Variants in CMSS1 observed in about 807,000 individuals in gnomAD.
The protein encoded by CMSS1 is cms1 ribosomal small subunit homolog.
A neutral mutation model predicts 43.5 loss-of-function variants in CMSS1; 33 were observed. That is an observed-to-expected ratio of 0.76 (90% CI 0.57 to 1.01). The LOEUF (loss-of-function observed/expected upper bound fraction) is 1.01. CMSS1 is among the 50% of genes least tolerant of loss of function. The pLI is 0.00. For missense variants in CMSS1, 313 were observed against 326.4 expected (o/e 0.96, Z 0.32); for synonymous variants, 115 against 117.2 (o/e 0.98, Z 0.12).
intron 1 of CMSS1, among the ~76,000 whole-genome samples, chr3:100,142,559 G>A (rs946827168): frequency 3.3e-5 from 5 of 152,140 alleles, no homozygotes; most frequent in Non-Finnish European, 2.9e-5. Context: ...CAGATACCAA[G>A]GGACTACTGT....
At chr3:100,022,805 A>C (rs1168459355) in intron 1 of CMSS1, among the ~76,000 whole-genome samples, 5 of 152,202 alleles carry the variant, frequency 3.3e-5, no homozygotes, top group Non-Finnish European at 7.3e-5. Flanking sequence ...ACATCAGTGC[A>C]TGGGCCTCAA....
intron 2 of CMSS1, among the ~76,000 whole-genome samples, chr3:100,150,295 T>G (rs1033783708): frequency 2.0e-5 from 3 of 152,230 alleles, no homozygotes; most frequent in Admixed American, 6.5e-5. Flanking sequence ...TTGGCAGATA[T>G]GACCAGATGT....
At chr3:100,103,055 A>G (rs1053053001) in intron 1 of CMSS1, among the ~76,000 whole-genome samples, 1 of 152,244 alleles carries the variant, frequency 6.6e-6, no homozygotes, top group Non-Finnish European at 1.5e-5. Flanking sequence ...TGCTGTAAAA[A>G]TGAAGCAGAC....
chr3:100,156,612 G>A (rs970746886), intron 2 of CMSS1, among the ~76,000 whole-genome samples: 2 of 147,430 alleles, frequency 1.4e-5, no homozygotes, highest in Non-Finnish European at 3.0e-5. Context: ...CAGCCTTTTT[G>A]TTTGTTTTTG....
chr3:99,894,121 G>C (rs1477333356), intron 1 of CMSS1, among the ~76,000 whole-genome samples: 2 of 152,228 alleles, frequency 1.3e-5, no homozygotes, highest in African/African-American at 4.8e-5. Context: ...CAGAAAGTAA[G>C]ACAAATCTCC....
intron 1 of CMSS1, among the ~76,000 whole-genome samples, chr3:99,937,569 A>C (rs1056433415): frequency 1.3e-5 from 2 of 152,214 alleles, no homozygotes; most frequent in Non-Finnish European, 2.9e-5. Context: ...CTTTAAATGT[A>C]AAATGGAGAT....
At chr3:99,941,102 C>A (rs1707837074) in intron 1 of CMSS1, among the ~76,000 whole-genome samples, 1 of 152,214 alleles carries the variant, frequency 6.6e-6, no homozygotes, top group Admixed American at 6.5e-5. Context: ...TTTGCACTTT[C>A]TCTTTTTAGG....
chr3:100,030,775 G>A (rs780377528), intron 1 of CMSS1, among the ~76,000 whole-genome samples: 9 of 152,086 alleles, frequency 5.9e-5, no homozygotes, highest in Non-Finnish European at 1.2e-4. Flanking sequence ...AAATCAATCC[G>A]TTTTCCCTCC....
At chr3:99,819,901 C>T (rs1213065311) in intron 1 of CMSS1, among the ~76,000 whole-genome samples, 3 of 151,712 alleles carry the variant, frequency 2.0e-5, no homozygotes, top group African/African-American at 7.3e-5. Context: ...ATTACAGGTG[C>T]CCGCCACCAC....
chr3:100,130,066 T>C (rs1350939872), intron 1 of CMSS1, among the ~76,000 whole-genome samples: 1 of 152,210 alleles, frequency 6.6e-6, no homozygotes, highest in African/African-American at 2.4e-5. Context: ...ATGTCACATT[T>C]TCTTTAAGCA....
Position 99,823,893 on chromosome 3 carries a change from C to G in CMSS1, c.64+5850C>G, listed in dbSNP as rs145525136. ...GTTAGCTGTTCTTTTCCTTTCTGTC[C>G]TGTCCTTCTGATTGGCTGGCTTTCT... On this transcript the variant is annotated intron_variant, in intron 1 of 9. Transcript: ENST00000421999. Among the ~76,000 whole-genome samples, 162 of 151,674 alleles carry G rather than the reference C, an allele frequency of 1.1e-3. 2 individuals carry two copies. The East Asian group carries it at 0.029, about 27-fold the overall frequency.
At chr3:99,977,533 T>A (rs560755925) in intron 1 of CMSS1, among the ~76,000 whole-genome samples, 66 of 152,226 alleles carry the variant, frequency 4.3e-4, no homozygotes, top group African/African-American at 1.5e-3. Context: ...TTCCTGGGAA[T>A]GTAAGCAAGT....
rs558167567 is a variant in CMSS1, at chr3:99,983,933, A to T, written c.65-163040A>T. On this transcript the variant is annotated intron_variant, in intron 1 of 9. Transcript: ENST00000421999. ...AGCCTAGAGGAAGGCCAAGAGAGGA[A>T]AATGTCCTATACCACAAGATATAAA... is the stretch of plus-strand genomic sequence containing the variant. Among the ~76,000 whole-genome samples, 5 of 152,242 alleles carry T rather than the reference A, an allele frequency of 3.3e-5. No individual in the cohort carries two copies. In the South Asian group the frequency reaches 1.0e-3, roughly 32 times the overall value.
chr3:99,989,586 T>C (rs1265699179), intron 1 of CMSS1, among the ~76,000 whole-genome samples: 2 of 152,068 alleles, frequency 1.3e-5, no homozygotes, highest in African/African-American at 4.8e-5. Context: ...ACTCTGACTT[T>C]ATTTTGAAAT....
chr3:99,832,391 C>T (rs1281285982), intron 1 of CMSS1, among the ~76,000 whole-genome samples: 6 of 150,918 alleles, frequency 4.0e-5, no homozygotes, highest in Admixed American at 6.6e-5. Context: ...CCACCACGCC[C>T]GGCTAATTTT....
At chr3:100,001,121 C>A (rs1156689560) in intron 1 of CMSS1, among the ~76,000 whole-genome samples, 6 of 152,234 alleles carry the variant, frequency 3.9e-5, no homozygotes, top group Admixed American at 1.3e-4. Flanking sequence ...GCTGTCCTCC[C>A]AAAATTGGCT....
chr3:99,938,079 G>GCA (rs1453411869), intron 1 of CMSS1, among the ~76,000 whole-genome samples: 6 of 142,432 alleles, frequency 4.2e-5, no homozygotes, highest in Non-Finnish European at 6.4e-5. Context: ...GTGTGTGCGC[G>GCA]CGCGCGCGCG....
In CMSS1 at chr3:100,121,742, C is replaced by T. The variant is rs553484346; in HGVS notation, c.65-25231C>T. 2.9e-4 allele frequency among the ~76,000 whole-genome samples: 44 copies of T among 152,278 alleles called. No individual in the cohort carries two copies. In the South Asian group the frequency reaches 3.1e-3, roughly 11 times the overall value. Reference sequence around the variant, plus strand: ...TCCACAATGGTTGAACTAATTTACACTCCCATCTCAAGCAAATTTATCCTG... The same window carrying T: ...TCCACAATGGTTGAACTAATTTACATTCCCATCTCAAGCAAATTTATCCTG... On this transcript the variant is annotated intron_variant, in intron 1 of 9. Coordinates refer to ENST00000421999, the MANE Select transcript of CMSS1 (RefSeq NM_032359.4).
chr3:100,176,888 T>C (rs1267295689), intron 9 of CMSS1, among the ~76,000 whole-genome samples: 1 of 152,232 alleles, frequency 6.6e-6, no homozygotes, highest in Non-Finnish European at 1.5e-5. Flanking sequence ...GGTGGGGAAA[T>C]TTTTTGATGT....
Sources: allele counts gnomAD v4.1 joint callset (sites outside exome capture counted in the v4.1 genomes callset), GRCh38; gene constraint gnomAD v4.1.1; transcripts MANE v1.5; gene names NCBI Gene and HGNC (gene_info 2026-07-23, HGNC 2026-07-21).